TSG101: variants seen among roughly 807,000 people sequenced by gnomAD.
TSG101 encodes tumor susceptibility gene 101 protein.
In TSG101, 19 loss-of-function variants were observed where a neutral mutation model predicts 48.5. That is an observed-to-expected ratio of 0.39 (90% CI 0.27 to 0.58). The LOEUF (loss-of-function observed/expected upper bound fraction) is 0.58. Among genes scored for constraint, TSG101 ranks in the 20% least tolerant of loss-of-function variants. The pLI is 0.55. For synonymous variants in TSG101, 174 were observed against 169.4 expected, an observed-to-expected ratio of 1.03 and a Z score of -0.21; for missense variants, 365 against 484.4, an observed-to-expected ratio of 0.75 and a Z score of 2.31.
chr11:18,518,074 T>C (rs1403212821), intron 2 of TSG101, among the ~76,000 whole-genome samples: 1 of 152,218 alleles, frequency 6.6e-6, no homozygotes, highest in Non-Finnish European at 1.5e-5. Context: ...AAATTCTAGC[T>C]CCAACCATTT....
chr11:18,513,324 C>T (rs1850119165), intron 4 of TSG101, among the ~76,000 whole-genome samples: 1 of 151,912 alleles, frequency 6.6e-6, no homozygotes, highest in Admixed American at 6.6e-5. Flanking sequence ...GGAGACAGAT[C>T]TTGCTCTGTT....
intron 7 of TSG101, among the ~76,000 whole-genome samples, chr11:18,495,947 C>T (rs1222147835): frequency 1.3e-5 from 2 of 150,236 alleles, no homozygotes; most frequent in East Asian, 4.0e-4. Flanking sequence ...AAGTACTCTA[C>T]AGAGATCAAA....
intron 7 of TSG101, among the ~76,000 whole-genome samples, chr11:18,497,624 C>G (rs1849804330): frequency 6.6e-6 from 1 of 152,130 alleles, no homozygotes; most frequent in Admixed American, 6.5e-5. Flanking sequence ...AGGTTCTCTA[C>G]AAATCAAAAG....
chr11:18,511,609 C>T (rs1387568871), intron 4 of TSG101: 1 of 152,102 alleles, frequency 6.6e-6, no homozygotes, highest in Non-Finnish European at 1.5e-5. Context: ...TAAATCATAG[C>T]CTCATGTAAG....
intron 7 of TSG101, among the ~76,000 whole-genome samples, chr11:18,486,423 T>C (rs921828303): frequency 2.1e-4 from 32 of 152,236 alleles, no homozygotes; most frequent in African/African-American, 7.0e-4. Flanking sequence ...ATTCAAACAA[T>C]TCTGCCCAAC....
intron 2 of TSG101, among the ~76,000 whole-genome samples, chr11:18,517,933 T>C (rs957486476): frequency 2.0e-5 from 3 of 152,234 alleles, no homozygotes; most frequent in Middle Eastern, 3.2e-3. Context: ...GGGGCTTTGT[T>C]TACTCTAAAA....
chr11:18,484,813 A>G (rs1468735590), intron 7 of TSG101, among the ~76,000 whole-genome samples: 1 of 152,116 alleles, frequency 6.6e-6, no homozygotes, highest in African/African-American at 2.4e-5. Flanking sequence ...CTTTATGACT[A>G]TCAGTGTTCT....
intron 7 of TSG101, among the ~76,000 whole-genome samples, chr11:18,501,219 A>G (rs150822663): frequency 8.5e-5 from 13 of 152,258 alleles, no homozygotes; most frequent in African/African-American, 2.9e-4. Context: ...GGTTTCCCCT[A>G]TGTATTCTTC....
At chr11:18,490,396 G>C (rs993333180) in intron 7 of TSG101, 1 of 595,738 alleles carries the variant, frequency 1.7e-6, no homozygotes, top group Non-Finnish European at 3.2e-6. Flanking sequence ...GTTTTTGCCA[G>C]GCTGCAGGCC....
chr11:18,500,688 G>C (rs1363015343), intron 7 of TSG101, among the ~76,000 whole-genome samples: 1 of 151,868 alleles, frequency 6.6e-6, no homozygotes, highest in Non-Finnish European at 1.5e-5. Flanking sequence ...TTTTACTGTT[G>C]AGTGGTTTCA....
chr11:18,493,993 A>G (rs1849737320), intron 7 of TSG101, among the ~76,000 whole-genome samples: 1 of 152,228 alleles, frequency 6.6e-6, no homozygotes, highest in African/African-American at 2.4e-5. Flanking sequence ...TGAGCTCTAG[A>G]AAGTTTCTAT....
intron 3 of TSG101, among the ~76,000 whole-genome samples, chr11:18,515,601 C>T (rs755229303): frequency 4.6e-5 from 7 of 152,214 alleles, no homozygotes; most frequent in African/African-American, 9.6e-5. Context: ...CTCTGTGCCA[C>T]GTCCTTTACA....
intron 7 of TSG101, among the ~76,000 whole-genome samples, chr11:18,500,768 C>A (rs931380797): frequency 6.6e-6 from 1 of 151,388 alleles, no homozygotes; most frequent in African/African-American, 2.4e-5. Flanking sequence ...CTCAACAGGT[C>A]GTCTCTTTAC....
At position 18,516,134 on chromosome 11, in the gene TSG101, A is replaced by T. The variant is rs1196499360; in HGVS notation, c.158T>A (p.Met53Lys). Residue 53 changes from methionine (M) to lysine (K), a missense_variant, in exon 3 of 10, where the codon ATG becomes AAG. Transcript: ENST00000251968. Reference protein sequence around the residue: ...VFNDGSSRELMNLTGTIPVPY... With the variant: ...VFNDGSSRELKNLTGTIPVPY... ...CACAGGGATTGTTCCAGTGAGGTTC[A>T]TTAGTTCCCTGGAACTGCCATCGTT... 6.2e-7 allele frequency: 1 copy of T among 1,613,942 alleles called. No individual in the cohort carries two copies. The highest frequency in any genetic ancestry group is 8.5e-7 in the Non-Finnish European group (1 of 1,180,002).
chr11:18,494,923 A>C (rs1326611052), intron 7 of TSG101, among the ~76,000 whole-genome samples: 1 of 152,206 alleles, frequency 6.6e-6, no homozygotes, highest in Non-Finnish European at 1.5e-5. Flanking sequence ...TTAACAGGTA[A>C]GCTCTCTTAT....
At chr11:18,503,934 T>A (rs1849928200) in intron 6 of TSG101, among the ~76,000 whole-genome samples, 1 of 152,142 alleles carries the variant, frequency 6.6e-6, no homozygotes, top group East Asian at 1.9e-4. Context: ...CTGGGTGCAG[T>A]GGATCACACC....
chr11:18,511,819 G>C (rs181820245), intron 4 of TSG101, among the ~76,000 whole-genome samples: 1 of 152,102 alleles, frequency 6.6e-6, no homozygotes, highest in African/African-American at 2.4e-5. Context: ...CAGCCCTTTA[G>C]CAACCACTAA....
intron 8 of TSG101, 23 bp downstream of exon 8, chr11:18,483,847 T>A: frequency 6.2e-7 from 1 of 1,612,752 alleles, no homozygotes; most frequent in Non-Finnish European, 8.5e-7. Flanking sequence ...CCAAAAATTT[T>A]AAGTCTTTAA....
At chr11:18,513,315 G>A (rs1033961215) in intron 4 of TSG101, among the ~76,000 whole-genome samples, 12 of 151,506 alleles carry the variant, frequency 7.9e-5, no homozygotes, top group Admixed American at 7.9e-4. Flanking sequence ...TTCTTTTTTG[G>A]AGACAGATCT....
Sources: gnomAD v4.1 joint callset for allele counts (sites outside exome capture counted in the v4.1 genomes callset) on GRCh38, gnomAD v4.1.1 for gene constraint, MANE v1.5 for transcripts, NCBI Gene and HGNC (gene_info 2026-07-23, HGNC 2026-07-21) for gene names.